The following MYD88 variants were observed in gnomAD, a reference collection of about 807,000 sequenced individuals.
MYD88 encodes the protein myeloid differentiation primary response protein MyD88.
MYD88 carries 15 observed loss-of-function variants against 31.1 expected under a neutral mutation model. That is an observed-to-expected ratio of 0.48 (90% CI 0.32 to 0.74). The LOEUF is 0.74. Among genes scored for constraint, MYD88 ranks in the 30% least tolerant of loss-of-function variants. The pLI is 0.03. For missense variants in MYD88, 308 were observed against 387.4 expected (o/e 0.79, Z 1.72); for synonymous variants, 157 against 158.8 (o/e 0.99, Z 0.08).
In MYD88 at chr3:38,139,622, A is replaced by G; in HGVS notation, c.329-242A>G. On this transcript the variant is annotated intron_variant, in intron 1 of 4. Coordinates refer to ENST00000650905, the MANE Select transcript of MYD88 (RefSeq NM_002468.5). The surrounding 1 kb of genome is among the most constrained non-coding windows in gnomAD (Gnocchi z 4.7). Reference sequence around the variant, plus strand: ...TTAGGATCCCTAGGAAGGGACAGAGATACAAACCTGACTTTGATGGCCTTC... The same window carrying G: ...TTAGGATCCCTAGGAAGGGACAGAGGTACAAACCTGACTTTGATGGCCTTC... The G allele has an allele frequency of 1.8e-6, 1 of 568,142 alleles. No individual in the cohort carries two copies. The highest frequency in any genetic ancestry group is 3.2e-6 in the Non-Finnish European group (1 of 316,280). The allele number at this position is 568,142 out of a possible 1,614,324, so 35.2% of individuals were successfully genotyped here. A position where few individuals can be genotyped will look rare whatever the true frequency, so the allele number is the denominator to read the frequency against.
chr3:38,140,344 C>T, intron 2 of MYD88, 44 bp from the exon 3 acceptor site: 1 of 1,608,296 alleles, frequency 6.2e-7, no homozygotes, highest in African/African-American at 1.3e-5. Context: ...CCTCCCAAGC[C>T]TTCCCATGGA....
rs2125775823 is a variant in MYD88 at position 38,138,917 on chromosome 3, A to G, written c.217A>G (p.Arg73Gly). 1 of 1,612,808 alleles carries G rather than the reference A, an allele frequency of 6.2e-7. No individual in the cohort carries two copies. Among genetic ancestry groups the G allele is most frequent in the Non-Finnish European group, 8.5e-7 (1 of 1,180,006 alleles). Residue 73 changes from arginine (R) to glycine (G), a missense_variant, in exon 1 of 5, where the codon AGG (arginine) becomes GGG (glycine). Physicochemically the swap from Arg to Gly is moderately radical, Grantham distance 125. Transcript: ENST00000650905. This position sits in a 1 kb window ranked among gnomAD's most constrained non-coding sequence, Gnocchi z 6.4. ...QLETQADPTG[R>G]LLDAWQGRPG... is the part of the protein sequence containing the mutation. ...GGAGACACAAGCGGACCCCACTGGC[A>G]GGCTGCTGGACGCCTGGCAGGGACG...
At position 38,138,820 on chromosome 3, in the gene MYD88, G is replaced by A. The variant is rs1365188058; in HGVS notation, c.120G>A (p.Arg40=). 3 of 1,613,634 alleles carry A rather than the reference G, an allele frequency of 1.9e-6. No homozygotes were observed. The highest frequency in any genetic ancestry group is 2.5e-6 in the Non-Finnish European group (3 of 1,180,022). Residue 40 remains arginine, a synonymous_variant, in exon 1 of 5, where the codon CGG becomes CGA. Transcript: ENST00000650905. The surrounding 1 kb of genome is among the most constrained non-coding windows in gnomAD (Gnocchi z 6.4). ...GCCTGTCTCTGTTCTTGAACGTGCG[G>A]ACACAGGTGGCGGCCGACTGGACCG... ...RRRLSLFLNV[R]TQVAADWTAL...
At position 38,142,879 on chromosome 3, in the gene MYD88, A is replaced by T. The variant is rs6853; in HGVS notation, c.*1593A>T. On this transcript the variant is annotated 3_prime_UTR_variant, in exon 5 of 5. Transcript: ENST00000650905. ...ATACTGGGCATTTTAAAGCCATCTC[A>T]AGAGGCATCTTCTACATGTTTTGTA... 1 of 233,040 alleles carries T rather than the reference A, an allele frequency of 4.3e-6. No individual in the cohort carries two copies. The highest frequency in any genetic ancestry group is 2.2e-5 in the African/African-American group (1 of 45,260). The allele number at this position is 233,040 out of a possible 1,614,324, so 14.4% of individuals were successfully genotyped here. A position where few individuals can be genotyped will look rare whatever the true frequency, so the allele number is the denominator to read the frequency against.
Position 38,139,312 on chromosome 3 carries a change from C to T in MYD88, c.328+284C>T, listed in dbSNP as rs181192113. On this transcript the variant is annotated intron_variant, in intron 1 of 4. Transcript: ENST00000650905. This position sits in a 1 kb window ranked among gnomAD's most constrained non-coding sequence, Gnocchi z 4.7. ...CAGAATCAGGCTTCTGTGGGGGCAT[C>T]TGGGCTGTTTCAAGTAGAGCAACAG... 2 of 542,594 alleles carry T rather than the reference C, an allele frequency of 3.7e-6. No individual in the cohort carries two copies. Among genetic ancestry groups the T allele is most frequent in the East Asian group, 3.1e-5 (1 of 31,896 alleles). The allele number at this position is 542,594 out of a possible 1,614,324, so 33.6% of individuals were successfully genotyped here.
rs1701073733 is a variant in MYD88 at position 38,141,217 on chromosome 3, C to T, written c.822C>T (p.Cys274=). The change falls in exon 5 of 5, where the codon TGC becomes TGT. Residue 274 remains cysteine, a synonymous_variant. Coordinates refer to ENST00000650905, the MANE Select transcript of MYD88 (RefSeq NM_002468.5). The part of the protein sequence containing the change: ...FPSILRFITV[C]DYTNPCTKSW... ...GCATCCTGAGGTTCATCACTGTCTG[C>T]GACTACACCAACCCCTGCACCAAAT... The T allele has an allele frequency of 6.8e-6, 11 of 1,614,086 alleles. No individual in the cohort carries two copies. The highest frequency in any genetic ancestry group is 9.3e-6 in the Non-Finnish European group (11 of 1,180,036).
In MYD88 at chr3:38,139,437, C is replaced by A. The variant is rs1331335914; in HGVS notation, c.328+409C>A. 5.0e-6 allele frequency: 2 copies of A among 396,860 alleles called. No homozygotes were observed. The highest frequency in any genetic ancestry group is 9.4e-6 in the Non-Finnish European group (2 of 211,796). The allele number at this position is 396,860 out of a possible 1,614,324, so 24.6% of individuals were successfully genotyped here. ...CACTGGCACTTACATAATATACATG[C>A]ATAGGCGTTGGATACAGCCGCCCAC... On this transcript the variant is annotated intron_variant, in intron 1 of 4. Coordinates refer to ENST00000650905, the MANE Select transcript of MYD88 (RefSeq NM_002468.5). This position sits in a 1 kb window ranked among gnomAD's most constrained non-coding sequence, Gnocchi z 4.7.
chr3:38,142,638 C>T lies in MYD88; in HGVS notation c.*1352C>T, dbSNP rs1263024326. 3 of 233,232 alleles carry T rather than the reference C, an allele frequency of 1.3e-5. No individual in the cohort carries two copies. Among genetic ancestry groups the T allele is most frequent in the Non-Finnish European group, 2.5e-5 (3 of 118,092 alleles). The allele number at this position is 233,232 out of a possible 1,614,324, so 14.4% of individuals were successfully genotyped here. ...CCCAGAGCAATTTATACTTTACCCT[C>T]AGGCTGTCCTCTGGGGAGAAGGTGC... is the stretch of plus-strand genomic sequence containing the variant. On this transcript the variant is annotated 3_prime_UTR_variant, in exon 5 of 5. Coordinates refer to ENST00000650905, the MANE Select transcript of MYD88 (RefSeq NM_002468.5).
chr3:38,141,441 C>A lies in MYD88; in HGVS notation c.*155C>A. The stretch of plus-strand genomic sequence containing the variant: ...CACAGACACGTCTGCAGCAGCTGGA[C>A]ATCACATTTCATGTCCTGCATGGAA... On this transcript the variant is annotated 3_prime_UTR_variant, in exon 5 of 5. Transcript: ENST00000650905. 1 of 968,306 alleles carries A rather than the reference C, an allele frequency of 1.0e-6. No homozygotes were observed. The highest frequency in any genetic ancestry group is 1.6e-6 in the Non-Finnish European group (1 of 616,088). The allele number at this position is 968,306 out of a possible 1,614,324, so 60.0% of individuals were successfully genotyped here.
rs137853064 is a variant in MYD88, at chr3:38,140,510, C to A, written c.586C>A (p.Arg196Ser). 1 of 1,614,186 alleles carries A rather than the reference C, an allele frequency of 6.2e-7. No individual in the cohort carries two copies. Among genetic ancestry groups the A allele is most frequent in the Non-Finnish European group, 8.5e-7 (1 of 1,180,014 alleles). ...NYRLKLCVSD[R>S]DVLPGTCVWS... The stretch of plus-strand genomic sequence containing the variant: ...TCGACTGAAGTTGTGTGTGTCTGAC[C>A]GCGATGTCCTGCCTGGCACCTGTGT... Residue 196 changes from arginine (R) to serine (S), a missense_variant, in exon 3 of 5, where the codon CGC becomes AGC. Arg to Ser is a moderately radical substitution (Grantham distance 110, BLOSUM62 -1). Coordinates refer to ENST00000650905, the MANE Select transcript of MYD88 (RefSeq NM_002468.5).
rs1234016344 is a variant in MYD88 at position 38,142,823 on chromosome 3, C to T, written c.*1537C>T. 16 of 233,160 alleles carry T rather than the reference C, an allele frequency of 6.9e-5. No homozygotes were observed. Among genetic ancestry groups the T allele is most frequent in the Non-Finnish European group, 1.3e-4 (15 of 118,052 alleles). 14.4% of individuals were successfully genotyped at this position (233,160 alleles called of 1,614,324 possible). The stretch of plus-strand genomic sequence containing the variant: ...CCCTCTCTGCATGATCTTGTTGAGG[C>T]ATTTAGCTGCCATGCACCTGTCCCC... On this transcript the variant is annotated 3_prime_UTR_variant, in exon 5 of 5. Coordinates refer to ENST00000650905, the MANE Select transcript of MYD88 (RefSeq NM_002468.5).
At chr3:38,140,046 T>C (rs945668583) in intron 2 of MYD88, 48 bp downstream of exon 2, 18 of 1,606,626 alleles carry the variant, frequency 1.1e-5, no homozygotes, top group African/African-American at 2.7e-5. Context: ...TAGGACATTG[T>C]GGTGTTAAGA....
In MYD88 at chr3:38,143,013, A is replaced by G. The variant is rs765137950; in HGVS notation, c.*1727A>G. 2 of 231,354 alleles carry G rather than the reference A, an allele frequency of 8.6e-6. No individual in the cohort carries two copies. Among genetic ancestry groups the G allele is most frequent in the Non-Finnish European group, 1.7e-5 (2 of 116,960 alleles). The allele number at this position is 231,354 out of a possible 1,614,324, so 14.3% of individuals were successfully genotyped here. A position where few individuals can be genotyped will look rare whatever the true frequency, so the allele number is the denominator to read the frequency against. ...AGTTTATAATAATAAATAATATTCT[A>G]CCTTGGAAACTTGTGTGTGTGTTGA... On this transcript the variant is annotated 3_prime_UTR_variant, in exon 5 of 5. Coordinates refer to ENST00000650905, the MANE Select transcript of MYD88 (RefSeq NM_002468.5).
At position 38,141,986 on chromosome 3, in the gene MYD88, G is replaced by A. The variant is rs1701092122; in HGVS notation, c.*700G>A. The A allele has an allele frequency of 4.2e-6, 1 of 238,020 alleles. No homozygotes were observed. Among genetic ancestry groups the A allele is most frequent in the Admixed American group, 5.3e-5 (1 of 19,040 alleles). 14.7% of individuals were successfully genotyped at this position (238,020 alleles called of 1,614,324 possible). A position where few individuals can be genotyped will look rare whatever the true frequency, so the allele number is the denominator to read the frequency against. ...ACCTTCAGCAGTGACAAGTCCCCAA[G>A]AGACTCGCCTGAGCAGCTTGGGCTG... On this transcript the variant is annotated 3_prime_UTR_variant, in exon 5 of 5. Transcript: ENST00000650905.
At chr3:38,140,130 C>A in intron 2 of MYD88, 132 bp downstream of exon 2, 1 of 1,215,542 alleles carries the variant, frequency 8.2e-7, no homozygotes, top group Non-Finnish European at 1.2e-6. Context: ...TCAGTTTCCT[C>A]ACCTAAGAAA....
intron 2 of MYD88, 64 bp downstream of exon 2, chr3:38,140,062 G>A (rs1701037139): frequency 1.3e-6 from 2 of 1,592,396 alleles, no homozygotes; most frequent in African/African-American, 1.3e-5. Flanking sequence ...TAAGAGCATG[G>A]GTGTTTGAAG....
rs367636369 is a variant in MYD88 at position 38,141,306 on chromosome 3, G to C, written c.*20G>C. ...CCCTGAAGACTGTTCTGAGGCCCTG[G>C]GTGTGTGTGTATCTGTCTGCCTGTC... On this transcript the variant is annotated 3_prime_UTR_variant, in exon 5 of 5. Coordinates refer to ENST00000650905, the MANE Select transcript of MYD88 (RefSeq NM_002468.5). The C allele has an allele frequency of 2.5e-6, 4 of 1,614,006 alleles. No homozygotes were observed. Among genetic ancestry groups the C allele is most frequent in the Non-Finnish European group, 3.4e-6 (4 of 1,179,986 alleles).
At position 38,141,371 on chromosome 3, in the gene MYD88, G is replaced by A. The variant is rs1701078839; in HGVS notation, c.*85G>A. 6.4e-7 allele frequency: 1 copy of A among 1,563,558 alleles called. No individual in the cohort carries two copies. Reference sequence around the variant, plus strand: ...CTGCCTCCTCCTTTCGTTGTAGGAGGAATCTGTGCTCTACTTACCTCTCAA... The same window carrying A: ...CTGCCTCCTCCTTTCGTTGTAGGAGAAATCTGTGCTCTACTTACCTCTCAA... On this transcript the variant is annotated 3_prime_UTR_variant, in exon 5 of 5. Coordinates refer to ENST00000650905, the MANE Select transcript of MYD88 (RefSeq NM_002468.5).
chr3:38,140,042 A>C, intron 2 of MYD88, 44 bp downstream of exon 2: 1 of 1,608,416 alleles, frequency 6.2e-7, no homozygotes, highest in Non-Finnish European at 8.5e-7. Flanking sequence ...GGAATAGGAC[A>C]TTGTGGTGTT....
Sources: gnomAD v4.1 joint callset for allele counts on GRCh38, gnomAD v4.1.1 for gene constraint, Gnocchi (gnomAD v3.1) non-coding constraint, MANE v1.5 for transcripts, NCBI Gene and HGNC (gene_info 2026-07-23, HGNC 2026-07-21) for gene names.